The following ZNF783 variants were observed in gnomAD, a reference collection of about 807,000 sequenced individuals.
ZNF783 encodes the protein protein ZNF783.
A neutral mutation model predicts 31.3 loss-of-function variants in ZNF783; 25 were observed. The ratio of observed to expected loss-of-function variants is 0.80; its 90% CI spans 0.58 to 1.11. The LOEUF is 1.11. Among genes scored for constraint, ZNF783 ranks in the 50% most tolerant of loss-of-function variants. The pLI, the probability that ZNF783 is intolerant of heterozygous loss-of-function variation, is 0.00. For synonymous variants in ZNF783, 369 were observed against 319.1 expected (o/e 1.16, Z -1.66); for missense variants, 797 against 760.0 (o/e 1.05, Z -0.57).
At chr7:149,278,302 A>G (rs1797379715) in intron 4 of ZNF783, 97 bp from the exon 5 acceptor site, 3 of 1,545,276 alleles carry the variant, frequency 1.9e-6, no homozygotes, top group South Asian at 1.2e-5. Context: ...CTGAGGCCCC[A>G]GGATCGCAGT....
intron 1 of ZNF783, 151 bp from the exon 2 acceptor site, chr7:149,266,184 A>C: frequency 1.1e-6 from 1 of 874,342 alleles, no homozygotes; most frequent in Non-Finnish European, 1.7e-6. Flanking sequence ...CTGATACCCT[A>C]GCCTCTCCCT....
chr7:149,270,919 C>A (rs1797194365), intron 4 of ZNF783, among the ~76,000 whole-genome samples: 2 of 152,196 alleles, frequency 1.3e-5, no homozygotes, highest in Admixed American at 6.5e-5. Flanking sequence ...TGAGTTTATA[C>A]ATTGATATTT....
Position 149,281,995 on chromosome 7 carries a change from A to T in ZNF783, c.1293A>T (p.Ala431=). 1 of 1,579,536 alleles carries T rather than the reference A, an allele frequency of 6.3e-7. No individual in the cohort carries two copies. Among genetic ancestry groups the T allele is most frequent in the South Asian group, 1.1e-5 (1 of 88,618 alleles). The stretch of plus-strand genomic sequence containing the variant: ...GTGCCTTGGTGGGGCGGCGGCCTGC[A>T]GCCAGCAAGATGTACCACTGCAGCG... ...GGRALVGRRP[A]ASKMYHCSEC... is the part of the protein sequence containing the mutation. The change falls in exon 6 of 6, where the codon GCA becomes GCT. Residue 431 remains alanine (A), a synonymous_variant. Transcript: ENST00000434415.
At chr7:149,276,844 GTTAT>G (rs1006461741) in intron 4 of ZNF783, among the ~76,000 whole-genome samples, 7 of 151,330 alleles carry the variant, frequency 4.6e-5, no homozygotes, top group South Asian at 4.2e-4. Context: ...GCGTTTGGTG[GTTAT>G]TTATTTATTT....
At chr7:149,279,606 C>T (rs1294008396) in intron 5 of ZNF783, among the ~76,000 whole-genome samples, 1 of 151,134 alleles carries the variant, frequency 6.6e-6, no homozygotes, top group African/African-American at 2.4e-5. Flanking sequence ...CACGTGGCCG[C>T]CAGCTAGCAC....
Position 149,262,250 on chromosome 7 carries a change from C to T in ZNF783, c.-84C>T. 1 of 1,254,440 alleles carries T rather than the reference C, an allele frequency of 8.0e-7. No individual in the cohort carries two copies. The highest frequency in any genetic ancestry group is 1.0e-6 in the Non-Finnish European group (1 of 982,272). 77.7% of individuals were successfully genotyped at this position (1,254,440 alleles called of 1,614,324 possible). On this transcript the variant is annotated 5_prime_UTR_variant, in exon 1 of 6. Coordinates refer to ENST00000434415, the MANE Select transcript of ZNF783 (RefSeq NM_001195220.2). ...GCTCTCAGGTTAGGCGGGTCCCGCT[C>T]CGCTTCCGCCGTCGCTGCCGCGCCG...
intron 4 of ZNF783, among the ~76,000 whole-genome samples, chr7:149,275,162 G>A (rs1479024694): frequency 6.6e-6 from 1 of 151,790 alleles, no homozygotes; most frequent in East Asian, 1.9e-4. Context: ...TATAGCTATT[G>A]TAAATGGGAT....
At chr7:149,265,458 G>C (rs1444973843) in intron 1 of ZNF783, among the ~76,000 whole-genome samples, 1 of 152,186 alleles carries the variant, frequency 6.6e-6, no homozygotes, top group Non-Finnish European at 1.5e-5. Flanking sequence ...TTGGTTCCCG[G>C]CAGGGCTCTT....
Position 149,267,087 on chromosome 7 carries a change from C to T in ZNF783, c.548-10C>T, listed in dbSNP as rs1035328850. On this transcript the variant is annotated splice_polypyrimidine_tract_variant and intron_variant, in intron 3 of 5. Coordinates refer to ENST00000434415, the MANE Select transcript of ZNF783 (RefSeq NM_001195220.2). ...GTCCAGCTCTTCCTCATTTCTTGTTCTGTGCACAGATTATGCAATCTCCAA... is the reference window on the plus strand; with the variant it reads ...GTCCAGCTCTTCCTCATTTCTTGTTTTGTGCACAGATTATGCAATCTCCAA... 5 of 1,602,108 alleles carry T rather than the reference C, an allele frequency of 3.1e-6. No individual in the cohort carries two copies. The highest frequency in any genetic ancestry group is 4.2e-6 in the Non-Finnish European group (5 of 1,179,816).
intron 4 of ZNF783, among the ~76,000 whole-genome samples, chr7:149,267,710 T>A (rs1360395922): frequency 6.6e-6 from 1 of 152,078 alleles, no homozygotes; most frequent in East Asian, 1.9e-4. Context: ...GGCAGGAGAA[T>A]GGCGTGAACC....
intron 5 of ZNF783, among the ~76,000 whole-genome samples, chr7:149,280,317 C>A (rs1421908816): frequency 6.6e-6 from 1 of 152,170 alleles, no homozygotes; most frequent in Non-Finnish European, 1.5e-5. Flanking sequence ...CAACCTTCCC[C>A]ACCAGGGACA....
At chr7:149,276,351 G>C in intron 4 of ZNF783, 9 of 989,252 alleles carry the variant, frequency 9.1e-6, no homozygotes, top group Non-Finnish European at 1.1e-5. Context: ...CTTTGTTGTA[G>C]GAAGGATCCA....
chr7:149,282,389 T>C lies in ZNF783; in HGVS notation c.*46T>C. 7.2e-7 allele frequency: 1 copy of C among 1,386,580 alleles called. No individual in the cohort carries two copies. Among genetic ancestry groups the C allele is most frequent in the Non-Finnish European group, 9.5e-7 (1 of 1,056,926 alleles). 85.9% of individuals were successfully genotyped at this position (1,386,580 alleles called of 1,614,324 possible). A position where few individuals can be genotyped will look rare whatever the true frequency, so the allele number is the denominator to read the frequency against. ...GACCCCTGGCGGGGTCTCTCCCCTG[T>C]GCCTGACGCAGGTTCTTCCTTTTCC... On this transcript the variant is annotated 3_prime_UTR_variant, in exon 6 of 6. Transcript: ENST00000434415.
chr7:149,275,624 G>C (rs1007461622), intron 4 of ZNF783: 1 of 151,846 alleles, frequency 6.6e-6, no homozygotes, highest in Non-Finnish European at 1.5e-5. Flanking sequence ...GCCCTCTCCT[G>C]CCGTTCTTTC....
At chr7:149,279,194 C>G (rs1171160620) in intron 5 of ZNF783, among the ~76,000 whole-genome samples, 1 of 152,266 alleles carries the variant, frequency 6.6e-6, no homozygotes, top group African/African-American at 2.4e-5. Flanking sequence ...CCCACTGGAT[C>G]ATCCTCCCTT....
chr7:149,281,649 A>G lies in ZNF783; in HGVS notation c.947A>G (p.Gln316Arg). The G allele has an allele frequency of 6.5e-7, 1 of 1,535,194 alleles. No homozygotes were observed. ...AGGCCTGGGGGCCCCAGCCGTCATCAGGCCCAGGGCATGCCCAGGGTGCGG... is the reference window on the plus strand; with the variant it reads ...AGGCCTGGGGGCCCCAGCCGTCATCGGGCCCAGGGCATGCCCAGGGTGCGG... ...RNRPGGPSRH[Q>R]AQGMPRVRAG... The change falls in exon 6 of 6, where the codon CAG becomes CGG. Residue 316 changes from glutamine (Q) to arginine (R), a missense_variant. Transcript: ENST00000434415.
Position 149,282,132 on chromosome 7 carries a change from G to T in ZNF783, c.1430G>T (p.Arg477Leu). 6.3e-7 allele frequency: 1 copy of T among 1,599,518 alleles called. No homozygotes were observed. ...ACPYCGKAFR[R>L]PSDLFRHQRI... Reference sequence around the variant, plus strand: ...CCCTACTGCGGCAAGGCCTTCCGCCGGCCCTCGGACCTCTTCCGGCACCAG... The same window carrying T: ...CCCTACTGCGGCAAGGCCTTCCGCCTGCCCTCGGACCTCTTCCGGCACCAG... The change falls in exon 6 of 6, where the codon CGG (arginine) becomes CTG (leucine). Residue 477 changes from arginine to leucine, a missense_variant. By Grantham distance (102) the Arg-to-Leu change is moderately radical. Transcript: ENST00000434415.
At chr7:149,268,352 A>G (rs1186750608) in intron 4 of ZNF783, among the ~76,000 whole-genome samples, 1 of 152,154 alleles carries the variant, frequency 6.6e-6, no homozygotes, top group African/African-American at 2.4e-5. Flanking sequence ...CACATTTTAC[A>G]TTTGGTTTAC....
In ZNF783 at chr7:149,271,160, G is replaced by A. The variant is rs969184282; in HGVS notation, c.673+3938G>A. On this transcript the variant is annotated intron_variant, in intron 4 of 5. Transcript: ENST00000434415. ...TCACCGTGTTAGCCAAGATGGTCTC[G>A]ATTTCCTGACCTCATGATCTGCCTG... Among the ~76,000 whole-genome samples the A allele has an allele frequency of 9.8e-5, 15 of 152,308 alleles. 1 individual carries two copies. Among genetic ancestry groups the A allele is most frequent in the Admixed American group, 8.5e-4 (13 of 15,298 alleles).
Sources: gnomAD v4.1 joint callset for allele counts (sites outside exome capture counted in the v4.1 genomes callset) on GRCh38, gnomAD v4.1.1 for gene constraint, MANE v1.5 for transcripts, NCBI Gene and HGNC (gene_info 2026-07-23, HGNC 2026-07-21) for gene names.